Variants in PREX2 observed in about 807,000 individuals in gnomAD.
PREX2 encodes the protein phosphatidylinositol-3,4,5-trisphosphate dependent Rac exchange factor 2.
In PREX2, 107 loss-of-function variants were observed where a neutral mutation model predicts 203.2. The ratio of observed to expected loss-of-function variants is 0.53; its 90% CI spans 0.45 to 0.62. PREX2 has a LOEUF of 0.62. Among genes scored for constraint, PREX2 ranks in the 20% least tolerant of loss-of-function variants. The pLI is 0.00. For synonymous variants in PREX2, 672 were observed against 663.6 expected (o/e 1.01, Z -0.19); for missense variants, 1,777 against 1,955.9 (o/e 0.91, Z 1.72).
At chr8:68,193,000 C>T (rs1812327643) in intron 37 of PREX2, among the ~76,000 whole-genome samples, 1 of 152,150 alleles carries the variant, frequency 6.6e-6, no homozygotes, top group Non-Finnish European at 1.5e-5. Context: ...GGAGCTCACA[C>T]AATGTGCTAT....
At chr8:67,973,900 C>G (rs1805996816) in intron 1 of PREX2, among the ~76,000 whole-genome samples, 1 of 152,138 alleles carries the variant, frequency 6.6e-6, no homozygotes, top group Non-Finnish European at 1.5e-5. Context: ...ACATCAAGAA[C>G]AGTGCTAGTT....
At chr8:68,217,784 AT>A (rs1174105252) in intron 38 of PREX2, 66 bp downstream of exon 38, 4 of 1,202,224 alleles carry the variant, frequency 3.3e-6, no homozygotes, top group Admixed American at 3.8e-5. Flanking sequence ...TCCTTTGTTC[AT>A]TTATCAGGGG....
At chr8:67,986,000 T>G (rs1381461853) in intron 1 of PREX2, among the ~76,000 whole-genome samples, 1 of 152,178 alleles carries the variant, frequency 6.6e-6, no homozygotes, top group Non-Finnish European at 1.5e-5. Flanking sequence ...TAGAAAGATC[T>G]CAGGCCAGCT....
chr8:68,049,524 A>G (rs534975494), intron 8 of PREX2, among the ~76,000 whole-genome samples: 235 of 152,192 alleles, frequency 1.5e-3, no homozygotes, highest in African/African-American at 5.5e-3. Context: ...CTGTACTGAA[A>G]TAAGAGCAAG....
intron 37 of PREX2, among the ~76,000 whole-genome samples, chr8:68,198,830 G>A (rs1387272704): frequency 6.6e-6 from 1 of 152,096 alleles, no homozygotes; most frequent in Non-Finnish European, 1.5e-5. Context: ...GAGAGTTTTT[G>A]TCTTCATATT....
Position 68,109,683 on chromosome 8 carries a change from T to G in PREX2, c.3146+60T>G. ...AATAAAATAGCCATAAAAATGTGGCTTAGAAAAATTCAATCATTCTCTCTT... is the reference window on the plus strand; with the variant it reads ...AATAAAATAGCCATAAAAATGTGGCGTAGAAAAATTCAATCATTCTCTCTT... On this transcript the variant is annotated intron_variant, in intron 25 of 39. Transcript: ENST00000288368. 9.9e-6 allele frequency: 14 copies of G among 1,407,930 alleles called. No homozygotes were observed. The Admixed American group carries it at 2.1e-4, about 21-fold the overall frequency. The allele number at this position is 1,407,930 out of a possible 1,614,324, so 87.2% of individuals were successfully genotyped here. A position where few individuals can be genotyped will look rare whatever the true frequency, so the allele number is the denominator to read the frequency against.
At chr8:67,974,162 T>C (rs1484077215) in intron 1 of PREX2, among the ~76,000 whole-genome samples, 1 of 152,166 alleles carries the variant, frequency 6.6e-6, no homozygotes, top group Admixed American at 6.5e-5. Context: ...ATTGCTTTGA[T>C]GTGTTCTGAT....
chr8:67,972,800 A>G (rs970460476), intron 1 of PREX2, among the ~76,000 whole-genome samples: 1 of 152,182 alleles, frequency 6.6e-6, no homozygotes, highest in African/African-American at 2.4e-5. Context: ...TTACCTTTAC[A>G]TAAACCAGAT....
At chr8:67,995,749 G>A (rs1316488498) in intron 1 of PREX2, among the ~76,000 whole-genome samples, 1 of 152,126 alleles carries the variant, frequency 6.6e-6, no homozygotes, top group Non-Finnish European at 1.5e-5. Context: ...CATTTAGGTT[G>A]TTTCCAATTT....
At chr8:68,180,638 C>T (rs1262719757) in intron 35 of PREX2, among the ~76,000 whole-genome samples, 4 of 152,012 alleles carry the variant, frequency 2.6e-5, no homozygotes, top group African/African-American at 9.7e-5. Context: ...AGTAGGTGAG[C>T]ACCAACAAGG....
At chr8:67,997,054 A>T (rs1209806558) in intron 1 of PREX2, among the ~76,000 whole-genome samples, 1 of 152,168 alleles carries the variant, frequency 6.6e-6, no homozygotes, top group Non-Finnish European at 1.5e-5. Context: ...ATCATTTTTA[A>T]CTGAAAATAC....
At chr8:68,191,155 A>G (rs1812285207) in intron 35 of PREX2, among the ~76,000 whole-genome samples, 2 of 152,180 alleles carry the variant, frequency 1.3e-5, no homozygotes, top group Admixed American at 1.3e-4. Flanking sequence ...AATAAAAAAG[A>G]GCCATTGAAC....
At chr8:68,189,486 T>C (rs922782275) in intron 35 of PREX2, among the ~76,000 whole-genome samples, 1 of 152,210 alleles carries the variant, frequency 6.6e-6, no homozygotes, top group Non-Finnish European at 1.5e-5. Flanking sequence ...ATTATATCTC[T>C]TTCAGATACT....
At chr8:68,006,536 A>G (rs751099485) in intron 1 of PREX2, among the ~76,000 whole-genome samples, 4 of 152,138 alleles carry the variant, frequency 2.6e-5, no homozygotes, top group Non-Finnish European at 4.4e-5. Context: ...ATCAGCTACT[A>G]TATGTCATCT....
chr8:67,989,495 T>C (rs1410782599), intron 1 of PREX2, among the ~76,000 whole-genome samples: 2 of 152,222 alleles, frequency 1.3e-5, no homozygotes, highest in South Asian at 2.1e-4. Flanking sequence ...TCATTCTTGA[T>C]ACATTACTAT....
At chr8:68,085,595 G>A (rs571546834) in intron 18 of PREX2, among the ~76,000 whole-genome samples, 2 of 152,234 alleles carry the variant, frequency 1.3e-5, no homozygotes, top group African/African-American at 2.4e-5. Flanking sequence ...AGATAATTTA[G>A]TACACTTATT....
chr8:68,088,076 A>G (rs1809755484), intron 19 of PREX2, among the ~76,000 whole-genome samples: 1 of 152,206 alleles, frequency 6.6e-6, no homozygotes, highest in Non-Finnish European at 1.5e-5. Flanking sequence ...AGAATATAAT[A>G]AATTTAAGAT....
At chr8:68,180,204 C>CT (rs368536558) in intron 35 of PREX2, among the ~76,000 whole-genome samples, 140 of 152,152 alleles carry the variant, frequency 9.2e-4, no homozygotes, top group African/African-American at 3.0e-3. Context: ...TAAGATTCTC[C>CT]TTATGTCTTA....
intron 1 of PREX2, among the ~76,000 whole-genome samples, chr8:68,008,927 G>T (rs9298125): frequency 6.6e-6 from 1 of 152,014 alleles, no homozygotes; most frequent in Non-Finnish European, 1.5e-5. Flanking sequence ...CCTTTTCTCC[G>T]GTATGTCTTT....
Sources: allele counts gnomAD v4.1 joint callset (sites outside exome capture counted in the v4.1 genomes callset), GRCh38; gene constraint gnomAD v4.1.1; transcripts MANE v1.5; gene names NCBI Gene and HGNC (gene_info 2026-07-23, HGNC 2026-07-21).